The following TMEM38A variants were observed in gnomAD, a reference collection of about 807,000 sequenced individuals.
TMEM38A encodes transmembrane protein 38A.
In TMEM38A, 17 loss-of-function variants were observed where a neutral mutation model predicts 28.6. The ratio of observed to expected loss-of-function variants is 0.60; its 90% CI spans 0.41 to 0.89. The LOEUF (loss-of-function observed/expected upper bound fraction) is 0.89. TMEM38A is among the 40% of genes least tolerant of loss of function. The pLI is 0.00. For missense variants in TMEM38A, 328 were observed against 393.1 expected, an observed-to-expected ratio of 0.83 and a Z score of 1.40; for synonymous variants, 169 against 166.1, an observed-to-expected ratio of 1.02 and a Z score of -0.14.
rs529882954 is a variant in TMEM38A, at chr19:16,665,712, G to T, written c.124+4371G>T. 2.0e-5 allele frequency among the ~76,000 whole-genome samples: 3 copies of T among 152,204 alleles called. No homozygotes were observed. In the South Asian group the frequency reaches 6.2e-4, roughly 32 times the overall value. On this transcript the variant is annotated intron_variant, in intron 1 of 5. Transcript: ENST00000187762. ...GATAAGGTCTAAGGCATTTGTGAGG[G>T]GTGGTGATGTTTATTTGGAAGTCTA... is the stretch of plus-strand genomic sequence containing the variant.
At chr19:16,676,918 G>A (rs947638223) in intron 1 of TMEM38A, among the ~76,000 whole-genome samples, 6 of 151,270 alleles carry the variant, frequency 4.0e-5, no homozygotes, top group Middle Eastern at 3.4e-3. Context: ...CCACCACCAC[G>A]CCTGGCTAAT....
chr19:16,672,446 A>ATTT (rs746189021), intron 1 of TMEM38A, among the ~76,000 whole-genome samples: 2,691 of 104,880 alleles, frequency 0.026, 324 homozygotes, highest in African/African-American at 0.1. Context: ...AAAAAACCTC[A>ATTT]TTTTTTTTTT....
chr19:16,673,479 A>G (rs1208201864), intron 1 of TMEM38A, among the ~76,000 whole-genome samples: 1 of 152,198 alleles, frequency 6.6e-6, no homozygotes, highest in Non-Finnish European at 1.5e-5. Flanking sequence ...ACATTGTATC[A>G]GTGAAACATC....
chr19:16,669,965 T>A (rs2086719516), intron 1 of TMEM38A, among the ~76,000 whole-genome samples: 1 of 151,766 alleles, frequency 6.6e-6, no homozygotes, highest in Admixed American at 6.6e-5. Context: ...TATTTATTTT[T>A]ATTTTATTAT....
chr19:16,670,641 C>T lies in TMEM38A; in HGVS notation c.124+9300C>T, dbSNP rs533075243. Among the ~76,000 whole-genome samples the T allele has an allele frequency of 1.6e-3, 241 of 152,156 alleles. 3 individuals are homozygous for T. Among genetic ancestry groups the T allele is most frequent in the Non-Finnish European group, 6.9e-4 (47 of 68,002 alleles). On this transcript the variant is annotated intron_variant, in intron 1 of 5. Transcript: ENST00000187762. ...GTCCAGGCTTTCCCAAGATGAGCAT[C>T]GAAAGTCCCATGTCCAGCCGGGTGC...
Position 16,688,272 on chromosome 19 carries a change from C to T in TMEM38A, c.801C>T (p.Ser267=), listed in dbSNP as rs145605044. ...HHHDNHGGSH[S]GGGPGAQHSA... is the part of the protein sequence containing the mutation. ...ACGACAACCATGGTGGGTCCCACAG[C>T]GGTGGTGGGCCAGGAGCTCAGCATT... Residue 267 remains serine, a synonymous_variant, in exon 6 of 6, where the codon AGC becomes AGT. Transcript: ENST00000187762. 38 of 1,607,050 alleles carry T rather than the reference C, an allele frequency of 2.4e-5. No individual in the cohort carries two copies. Among genetic ancestry groups the T allele is most frequent in the Admixed American group, 3.4e-5 (2 of 59,114 alleles).
intron 4 of TMEM38A, among the ~76,000 whole-genome samples, chr19:16,683,709 G>T (rs1013213659): frequency 2.6e-5 from 4 of 151,770 alleles, no homozygotes; most frequent in African/African-American, 4.8e-5. Flanking sequence ...GGTGGCTCAC[G>T]CCTGTAATCC....
chr19:16,686,697 T>A (rs1424256691), intron 5 of TMEM38A, among the ~76,000 whole-genome samples: 1 of 152,024 alleles, frequency 6.6e-6, no homozygotes, highest in African/African-American at 2.4e-5. Flanking sequence ...GAAGCTGAAA[T>A]GGCAGCATCA....
rs377145592 is a variant in TMEM38A at position 16,682,556 on chromosome 19, G to C, written c.554+48G>C. ...CCCTCCATGCCTCCTGTATGTCCGGGTGCCTGACCCTGAGTTGGATGCTGC... is the reference window on the plus strand; with the variant it reads ...CCCTCCATGCCTCCTGTATGTCCGGCTGCCTGACCCTGAGTTGGATGCTGC... On this transcript the variant is annotated intron_variant, in intron 4 of 5. Coordinates refer to ENST00000187762, the MANE Select transcript of TMEM38A (RefSeq NM_024074.4). 1.8e-5 allele frequency: 28 copies of C among 1,554,522 alleles called. No individual in the cohort carries two copies. The African/African-American group carries it at 3.7e-4, about 20-fold the overall frequency.
At chr19:16,667,861 GAA>G (rs112685452) in intron 1 of TMEM38A, among the ~76,000 whole-genome samples, 9,071 of 127,364 alleles carry the variant, frequency 0.071, 395 homozygotes, top group East Asian at 0.27. Flanking sequence ...CTCCGTCTCA[GAA>G]AAAAAAAAAA....
rs2250060 is a variant in TMEM38A, at chr19:16,688,515, T to C, written c.*144T>C. 465,861 of 572,742 alleles carry C rather than the reference T, an allele frequency of 0.81. 196,773 individuals carry two copies. The highest frequency in any genetic ancestry group is 0.91 in the East Asian group (26,182 of 28,900). 35.5% of individuals were successfully genotyped at this position (572,742 alleles called of 1,614,324 possible). On this transcript the variant is annotated 3_prime_UTR_variant, in exon 6 of 6. Coordinates refer to ENST00000187762, the MANE Select transcript of TMEM38A (RefSeq NM_024074.4). ...TCATTGGCTCACCCTCCAGGGCTGA[T>C]GTGGGGGTTGAGATATGGGGATGAG...
chr19:16,663,567 C>T lies in TMEM38A; in HGVS notation c.124+2226C>T, dbSNP rs369852030. ...TTTTTGAAACGGAGTCTCGCTCTGTCGCCCAGGCTGGAGTGCGGTGGCGCC... is the reference window on the plus strand; with the variant it reads ...TTTTTGAAACGGAGTCTCGCTCTGTTGCCCAGGCTGGAGTGCGGTGGCGCC... On this transcript the variant is annotated intron_variant, in intron 1 of 5. Coordinates refer to ENST00000187762, the MANE Select transcript of TMEM38A (RefSeq NM_024074.4). Among the ~76,000 whole-genome samples, 43 of 150,114 alleles carry T rather than the reference C, an allele frequency of 2.9e-4. No homozygotes were observed. The East Asian group carries it at 4.6e-3, about 16-fold the overall frequency.
chr19:16,663,584 G>A (rs112828319), intron 1 of TMEM38A, among the ~76,000 whole-genome samples: 28,109 of 150,260 alleles, frequency 0.19, 3,742 homozygotes, highest in African/African-American at 0.37. Flanking sequence ...GCTGGAGTGC[G>A]GTGGCGCCGC....
chr19:16,678,766 C>CAAAAAA (rs61142232), intron 1 of TMEM38A, among the ~76,000 whole-genome samples: 3 of 48,586 alleles, frequency 6.2e-5, no homozygotes, highest in African/African-American at 2.0e-4. Flanking sequence ...ACCCTGTGTC[C>CAAAAAA]AAAAAAAAAA....
At chr19:16,682,542 T>A (rs764309483) in intron 4 of TMEM38A, 34 bp downstream of exon 4, 1 of 1,592,220 alleles carries the variant, frequency 6.3e-7, no homozygotes, top group Non-Finnish European at 8.6e-7. Context: ...CCTCCATGCC[T>A]CCTGTATGTC....
At chr19:16,684,254 G>A (rs2086792931) in intron 4 of TMEM38A, among the ~76,000 whole-genome samples, 1 of 151,824 alleles carries the variant, frequency 6.6e-6, no homozygotes, top group South Asian at 2.1e-4. Flanking sequence ...TAGGGGGATT[G>A]CTTGAAACCA....
At chr19:16,684,767 G>A (rs917363406) in intron 4 of TMEM38A, among the ~76,000 whole-genome samples, 1 of 151,648 alleles carries the variant, frequency 6.6e-6, no homozygotes, top group Non-Finnish European at 1.5e-5. Context: ...AATCAGCAGA[G>A]GCAGCTCACA....
At chr19:16,671,705 C>T (rs375272274) in intron 1 of TMEM38A, among the ~76,000 whole-genome samples, 6 of 152,324 alleles carry the variant, frequency 3.9e-5, no homozygotes, top group Non-Finnish European at 4.4e-5. Context: ...GCTGGGATTA[C>T]GGGTGTGAGC....
At chr19:16,683,476 C>G (rs2086789572) in intron 4 of TMEM38A, among the ~76,000 whole-genome samples, 1 of 151,496 alleles carries the variant, frequency 6.6e-6, no homozygotes, top group Non-Finnish European at 1.5e-5. Context: ...ACTTGTGGTC[C>G]CAGCTACTCA....
Sources: gnomAD v4.1 joint callset for allele counts (sites outside exome capture counted in the v4.1 genomes callset) on GRCh38, gnomAD v4.1.1 for gene constraint, MANE v1.5 for transcripts, NCBI Gene and HGNC (gene_info 2026-07-23, HGNC 2026-07-21) for gene names.